Variants in PRPH2 observed in about 807,000 individuals in gnomAD.
PRPH2 encodes peripherin-2.
A neutral mutation model predicts 31.3 loss-of-function variants in PRPH2; 17 were observed. That is an observed-to-expected ratio of 0.54 (90% CI 0.37 to 0.81). The LOEUF is 0.81. Among genes scored for constraint, PRPH2 ranks in the 40% least tolerant of loss-of-function variants. PRPH2 has a pLI of 0.00. For missense variants in PRPH2, 430 were observed against 439.7 expected, an observed-to-expected ratio of 0.98 and a Z score of 0.20; for synonymous variants, 165 against 184.4, an observed-to-expected ratio of 0.89 and a Z score of 0.85.
chr6:42,704,273 G>GAGAGCATATC (rs1800106084), intron 2 of PRPH2, 92 bp downstream of exon 2: 1 of 1,506,754 alleles, frequency 6.6e-7, no homozygotes, highest in Admixed American at 2.0e-5. Flanking sequence ...AAAGAGGGAG[G>GAGAGCATATC]CATGCTCTCC....
At chr6:42,711,581 T>C (rs1040921238) in intron 1 of PRPH2, among the ~76,000 whole-genome samples, 16 of 152,002 alleles carry the variant, frequency 1.1e-4, no homozygotes, top group Non-Finnish European at 2.9e-5. Context: ...AGCCCCATCC[T>C]CAGGGAGCCC....
At chr6:42,704,917 T>C (rs1011388689) in intron 1 of PRPH2, among the ~76,000 whole-genome samples, 10 of 152,154 alleles carry the variant, frequency 6.6e-5, no homozygotes, top group African/African-American at 2.4e-4. Flanking sequence ...GCCTGGTGCA[T>C]AGGTGGGTAG....
At position 42,704,503 on chromosome 6, in the gene PRPH2, G is replaced by A; in HGVS notation, c.690C>T (p.Asn230=). The A allele has an allele frequency of 6.2e-7, 1 of 1,614,224 alleles. No individual in the cohort carries two copies. Among genetic ancestry groups the A allele is most frequent in the Non-Finnish European group, 8.5e-7 (1 of 1,180,036 alleles). The part of the protein sequence containing the change: ...RPCIQYQITN[N]SAHYSYDHQT... ...GGTGGTCGTAACTGTAGTGTGCTGA[G>A]TTGTTGGTGATCTGATACTGGATGC... Residue 230 remains asparagine, a synonymous_variant, in exon 2 of 3, where the codon AAC becomes AAT. Transcript: ENST00000230381.
intron 1 of PRPH2, among the ~76,000 whole-genome samples, chr6:42,716,945 TTTTC>T (rs1266445607): frequency 1.6e-5 from 2 of 122,706 alleles, no homozygotes; most frequent in East Asian, 2.4e-4. Context: ...TTTTCTTTTC[TTTTC>T]TTTCTTTCTT....
chr6:42,709,335 A>AAAAAAAAAAC (rs1491300480), intron 1 of PRPH2, among the ~76,000 whole-genome samples: 8 of 83,122 alleles, frequency 9.6e-5, no homozygotes, highest in Non-Finnish European at 1.8e-4. Context: ...GTCTCAAATT[A>AAAAAAAAAAC]AAAAAAAAAA....
chr6:42,716,248 G>A (rs1348129084), intron 1 of PRPH2, among the ~76,000 whole-genome samples: 2 of 151,994 alleles, frequency 1.3e-5, no homozygotes, highest in African/African-American at 4.8e-5. Flanking sequence ...AATTTGATGG[G>A]GAGAGGGGAA....
chr6:42,701,048 C>T (rs1800036703), intron 2 of PRPH2, among the ~76,000 whole-genome samples: 1 of 150,184 alleles, frequency 6.7e-6, no homozygotes, highest in African/African-American at 2.5e-5. Flanking sequence ...GAGATCATGG[C>T]TTACAGCAGC....
chr6:42,700,617 T>C (rs1327538125), intron 2 of PRPH2, among the ~76,000 whole-genome samples: 3 of 152,196 alleles, frequency 2.0e-5, no homozygotes, highest in Non-Finnish European at 4.4e-5. Flanking sequence ...AGTCACCTCC[T>C]CCATGAAGTC....
intron 1 of PRPH2, among the ~76,000 whole-genome samples, chr6:42,712,895 T>C (rs1761694270): frequency 6.6e-6 from 1 of 151,674 alleles, no homozygotes; most frequent in Admixed American, 6.6e-5. Flanking sequence ...ATAATAGAAG[T>C]CGGAAATGCA....
intron 1 of PRPH2, among the ~76,000 whole-genome samples, chr6:42,706,329 C>G (rs968922320): frequency 6.6e-6 from 1 of 151,812 alleles, no homozygotes; most frequent in Non-Finnish European, 1.5e-5. Flanking sequence ...GGCGTGAACC[C>G]AGGGGGCGGA....
At chr6:42,700,525 A>G (rs1800026972) in intron 2 of PRPH2, among the ~76,000 whole-genome samples, 2 of 152,230 alleles carry the variant, frequency 1.3e-5, no homozygotes, top group African/African-American at 4.8e-5. Context: ...ATGGCAGTAG[A>G]TAATAATAAC....
intron 1 of PRPH2, among the ~76,000 whole-genome samples, chr6:42,719,335 C>G (rs1187284111): frequency 6.6e-6 from 1 of 151,850 alleles, no homozygotes; most frequent in African/African-American, 2.4e-5. Context: ...CCACCACACC[C>G]AGCTAATTTT....
chr6:42,706,443 A>G (rs1800165967), intron 1 of PRPH2, among the ~76,000 whole-genome samples: 2 of 151,550 alleles, frequency 1.3e-5, no homozygotes, highest in African/African-American at 4.8e-5. Flanking sequence ...ATAAAAATAA[A>G]AATACAAAAA....
intron 1 of PRPH2, among the ~76,000 whole-genome samples, chr6:42,711,565 G>A (rs112150262): frequency 2.0e-5 from 3 of 151,490 alleles, no homozygotes; most frequent in Admixed American, 6.6e-5. Context: ...GGTCTGAGGG[G>A]GACACAGCCC....
chr6:42,699,675 T>C (rs1257902628), intron 2 of PRPH2, among the ~76,000 whole-genome samples: 1 of 152,136 alleles, frequency 6.6e-6, no homozygotes, highest in African/African-American at 2.4e-5. Context: ...TTGCTTGAGC[T>C]CAGGAGTTCG....
In PRPH2 at chr6:42,696,612, G is replaced by C. The variant is rs940361147; in HGVS notation, c.*1683C>G. The C allele has an allele frequency of 2.0e-5, 3 of 152,198 alleles. No homozygotes were observed. Among genetic ancestry groups the C allele is most frequent in the African/African-American group, 4.8e-5 (2 of 41,446 alleles). 9.4% of individuals were successfully genotyped at this position (152,198 alleles called of 1,614,324 possible). On this transcript the variant is annotated 3_prime_UTR_variant, in exon 3 of 3. Coordinates refer to ENST00000230381, the MANE Select transcript of PRPH2 (RefSeq NM_000322.5). ...AACAAAAGTGATTTTCATACAGTAT[G>C]AATTTTAATTATCTATTGACAGCTG...
intron 1 of PRPH2, among the ~76,000 whole-genome samples, chr6:42,715,692 C>CA (rs1761764323): frequency 6.6e-6 from 1 of 151,998 alleles, no homozygotes. Flanking sequence ...CAAAACAAAA[C>CA]AAAAAACTCT....
rs541501533 is a variant in PRPH2, at chr6:42,696,707, T to C, written c.*1588A>G. The C allele has an allele frequency of 6.6e-6, 1 of 152,326 alleles. No homozygotes were observed. Among genetic ancestry groups the C allele is most frequent in the South Asian group, 2.1e-4 (1 of 4,828 alleles). 9.4% of individuals were successfully genotyped at this position (152,326 alleles called of 1,614,324 possible). On this transcript the variant is annotated 3_prime_UTR_variant, in exon 3 of 3. Transcript: ENST00000230381. ...CGTGGTTCTCAGCACTCTTGAGAGA[T>C]AGCAAGAGCTCAGGGACCTTTGCCA...
intron 2 of PRPH2, among the ~76,000 whole-genome samples, chr6:42,698,876 G>T (rs665442): frequency 0.92 from 140,434 of 152,080 alleles, 64,970 homozygotes; most frequent in East Asian, 1. Flanking sequence ...TGAGCTCCCC[G>T]GCAGCTCATC....
Sources: gnomAD v4.1 joint callset for allele counts (sites outside exome capture counted in the v4.1 genomes callset) on GRCh38, gnomAD v4.1.1 for gene constraint, MANE v1.5 for transcripts, NCBI Gene and HGNC (gene_info 2026-07-23, HGNC 2026-07-21) for gene names.